Variants in SDK2 observed in about 807,000 individuals in gnomAD.
SDK2 encodes protein sidekick-2.
Under a neutral mutation model 253.9 loss-of-function variants are expected in SDK2, and 105 were observed. The ratio of observed to expected loss-of-function variants is 0.41; its 90% CI spans 0.35 to 0.49. The LOEUF is 0.49. Among genes scored for constraint, SDK2 ranks in the 20% least tolerant of loss-of-function variants. SDK2 has a pLI of 0.06. For missense variants in SDK2, 2,608 were observed against 3,003.0 expected, an observed-to-expected ratio of 0.87 and a Z score of 3.07; for synonymous variants, 1,249 against 1,234.9, an observed-to-expected ratio of 1.01 and a Z score of -0.24.
intron 36 of SDK2, among the ~76,000 whole-genome samples, chr17:73,373,867 C>T (rs111991666): frequency 0.095 from 13,595 of 143,546 alleles, 1,330 homozygotes; most frequent in East Asian, 0.23. Context: ...GAACTACTGA[C>T]CTCAGGTGAT....
Position 73,643,957 on chromosome 17 carries a change from T to TACCCCCCCCCCCCCCCCCCC in SDK2, c.64+67_64+68insGGGGGGGGGGGGGGGGGGGT. The TACCCCCCCCCCCCCCCCCCC allele has an allele frequency of 9.8e-7, 1 of 1,019,996 alleles. No homozygotes were observed. Among genetic ancestry groups the TACCCCCCCCCCCCCCCCCCC allele is most frequent in the Non-Finnish European group, 1.5e-6 (1 of 674,880 alleles). The allele number at this position is 1,019,996 out of a possible 1,614,324, so 63.2% of individuals were successfully genotyped here. A position where few individuals can be genotyped will look rare whatever the true frequency, so the allele number is the denominator to read the frequency against. ...GGAGGTCACCGTGAGGCCGGCCAGC[T>TACCCCCCCCCCCCCCCCCCC]CCCGCCGCCCCTCCCCCGCCCACTC... On this transcript the variant is annotated intron_variant, in intron 1 of 44. Transcript: ENST00000392650. The surrounding 1 kb of genome is among the most constrained non-coding windows in gnomAD (Gnocchi z 6.9).
chr17:73,415,700 G>A (rs1287081815), intron 17 of SDK2, 111 bp downstream of exon 17: 1 of 945,742 alleles, frequency 1.1e-6, no homozygotes. Context: ...TGTTGCCCAG[G>A]CTGGCTTAAA....
intron 12 of SDK2, among the ~76,000 whole-genome samples, 179 bp from the exon 13 acceptor site, chr17:73,424,271 G>C (rs1345307463): frequency 1.3e-5 from 2 of 152,184 alleles, no homozygotes; most frequent in Non-Finnish European, 2.9e-5. Context: ...AAACAGTCTG[G>C]AAGCCCATCG....
chr17:73,499,058 C>A (rs1479947673), intron 2 of SDK2, among the ~76,000 whole-genome samples: 2 of 152,378 alleles, frequency 1.3e-5, no homozygotes, highest in East Asian at 3.9e-4. Context: ...GGCACTTACC[C>A]TGTGCCATGC....
At chr17:73,371,816 C>T (rs150297485) in intron 36 of SDK2, among the ~76,000 whole-genome samples, 3,700 of 151,982 alleles carry the variant, frequency 0.024, 77 homozygotes, top group Middle Eastern at 0.051. Context: ...AAAAATTAGC[C>T]GGGCATGGTG....
chr17:73,407,617 C>T (rs573592165), intron 18 of SDK2, among the ~76,000 whole-genome samples: 6 of 151,826 alleles, frequency 4.0e-5, no homozygotes, highest in Middle Eastern at 3.4e-3. Flanking sequence ...ATAGAGATAG[C>T]GGGGGCGGGG....
intron 1 of SDK2, among the ~76,000 whole-genome samples, chr17:73,575,612 A>C (rs1339290035): frequency 6.6e-6 from 1 of 152,188 alleles, no homozygotes; most frequent in Non-Finnish European, 1.5e-5. Context: ...CAGTTATCTC[A>C]CCAGGTGGTG....
intron 1 of SDK2, among the ~76,000 whole-genome samples, chr17:73,532,387 C>T (rs987174408): frequency 1.1e-4 from 16 of 152,218 alleles, no homozygotes; most frequent in Non-Finnish European, 7.3e-5. Context: ...CACACTCCAC[C>T]CCAGGCCTAG....
chr17:73,492,234 T>C (rs2063810746), intron 2 of SDK2, among the ~76,000 whole-genome samples: 1 of 151,992 alleles, frequency 6.6e-6, no homozygotes, highest in African/African-American at 2.4e-5. Flanking sequence ...ATAATCCCGG[T>C]TGTTTAAGCC....
At chr17:73,353,152 C>T (rs76537703) in intron 40 of SDK2, among the ~76,000 whole-genome samples, 63 of 152,098 alleles carry the variant, frequency 4.1e-4, no homozygotes, top group Middle Eastern at 3.4e-3. Flanking sequence ...ATCTGTACTA[C>T]ATTAAAAGAT....
intron 2 of SDK2, among the ~76,000 whole-genome samples, chr17:73,480,116 G>A (rs1289975055): frequency 6.6e-6 from 1 of 152,222 alleles, no homozygotes; most frequent in East Asian, 1.9e-4. Context: ...GTACTGCAGA[G>A]GCAGTGCTAA....
Position 73,428,876 on chromosome 17 carries a change from C to T in SDK2, c.1583+1635G>A, listed in dbSNP as rs151111271. 3.0e-3 allele frequency among the ~76,000 whole-genome samples: 454 copies of T among 152,026 alleles called. 2 individuals carry two copies. Among genetic ancestry groups the T allele is most frequent in the African/African-American group, 0.011 (438 of 41,450 alleles). ...GATGATTCTGCTCCCCAGAATCATC[C>T]CTTTGATGAAAAGATGGTCCTAGAT... On this transcript the variant is annotated intron_variant, in intron 12 of 44. Coordinates refer to ENST00000392650, the MANE Select transcript of SDK2 (RefSeq NM_001144952.2).
chr17:73,498,585 C>T (rs932249419), intron 2 of SDK2, among the ~76,000 whole-genome samples: 2 of 152,208 alleles, frequency 1.3e-5, no homozygotes, highest in African/African-American at 4.8e-5. Context: ...AAGCAGAAGG[C>T]CTGGCACTTG....
At chr17:73,577,920 A>G (rs1455640177) in intron 1 of SDK2, among the ~76,000 whole-genome samples, 2 of 152,190 alleles carry the variant, frequency 1.3e-5, no homozygotes, top group Non-Finnish European at 2.9e-5. Context: ...CCAGTGTAAC[A>G]TGAGGGTCCT....
intron 2 of SDK2, among the ~76,000 whole-genome samples, chr17:73,479,837 C>T (rs573169324): frequency 5.8e-4 from 88 of 152,302 alleles, no homozygotes; most frequent in African/African-American, 2.0e-3. Flanking sequence ...ATTACGGGCA[C>T]CTGCCCCCAT....
intron 3 of SDK2, among the ~76,000 whole-genome samples, chr17:73,464,592 A>G (rs891910963): frequency 6.6e-5 from 10 of 152,028 alleles, no homozygotes; most frequent in Admixed American, 6.5e-4. Flanking sequence ...ACCATCTTCC[A>G]CTTTCTGCTT....
intron 3 of SDK2, among the ~76,000 whole-genome samples, chr17:73,458,446 T>C (rs1004274576): frequency 4.6e-5 from 7 of 152,198 alleles, no homozygotes; most frequent in Admixed American, 6.5e-5. Flanking sequence ...GCAGATTCTG[T>C]CACACAATCG....
intron 2 of SDK2, among the ~76,000 whole-genome samples, chr17:73,483,625 GTA>G (rs1248439292): frequency 3.3e-4 from 35 of 107,422 alleles, no homozygotes; most frequent in Non-Finnish European, 4.4e-4. Context: ...GTATATATAT[GTA>G]TATGTATATA....
intron 1 of SDK2, among the ~76,000 whole-genome samples, chr17:73,633,128 T>A (rs200080693): frequency 3.3e-5 from 5 of 150,352 alleles, no homozygotes; most frequent in East Asian, 3.9e-4. Flanking sequence ...ACAAAAAAAA[T>A]AAAATGATTA....
Sources: allele counts gnomAD v4.1 joint callset (sites outside exome capture counted in the v4.1 genomes callset), GRCh38; gene constraint gnomAD v4.1.1; non-coding constraint Gnocchi (gnomAD v3.1); transcripts MANE v1.5; gene names NCBI Gene and HGNC (gene_info 2026-07-23, HGNC 2026-07-21).